ACSM3: variants seen among roughly 807,000 people sequenced by gnomAD.
The protein encoded by ACSM3 is acyl-coenzyme A synthetase ACSM3, mitochondrial.
Under a neutral mutation model 74.1 loss-of-function variants are expected in ACSM3, and 61 were observed. The observed-to-expected ratio is 0.82, with a 90% CI of 0.67 to 1.02. ACSM3 has a LOEUF of 1.02. Among genes scored for constraint, ACSM3 ranks in the 50% least tolerant of loss-of-function variants. The probability of loss-of-function intolerance (pLI) is 0.00; values close to 1 mark genes in which losing one functional copy is unlikely to be tolerated. For synonymous variants in ACSM3, 213 were observed against 241.5 expected (o/e 0.88, Z 1.09); for missense variants, 660 against 697.0 (o/e 0.95, Z 0.60).
chr16:20,761,739 C>T (rs1257548347), upstream of ACSM3, among the ~76,000 whole-genome samples: 1 of 152,162 alleles, frequency 6.6e-6, no homozygotes, highest in Admixed American at 6.5e-5. Flanking sequence ...ACACCTAAAG[C>T]TGGTGATCAG....
intron 1 of ACSM3, chr16:20,690,941 A>G (rs879591229): frequency 6.5e-7 from 1 of 1,547,564 alleles, no homozygotes; most frequent in Non-Finnish European, 8.7e-7. Context: ...TAGGAGCAAG[A>G]TAAGGAAAGT....
At chr16:20,779,441 AAAAGAAAAGAAAAG>A (rs936310406) in intron 4 of ACSM3, among the ~76,000 whole-genome samples, 1 of 149,376 alleles carries the variant, frequency 6.7e-6, no homozygotes, top group Non-Finnish European at 1.5e-5. Flanking sequence ...AAAAAAAAAG[AAAAGAAAAGAAAAG>A]AAAGAAAAGA....
chr16:20,715,318 T>A (rs1596483628), intron 1 of ACSM3, among the ~76,000 whole-genome samples: 1 of 152,318 alleles, frequency 6.6e-6, no homozygotes, highest in South Asian at 2.1e-4. Context: ...TAATCTTCAC[T>A]GTTCGACAGT....
intron 2 of ACSM3, 63 bp downstream of exon 2, chr16:20,770,316 A>G (rs752934856): frequency 3.0e-5 from 42 of 1,382,502 alleles, no homozygotes; most frequent in Non-Finnish European, 4.2e-5. Flanking sequence ...CCCCTAGGTA[A>G]CATCTCTAAT....
At chr16:20,711,639 A>G in intron 1 of ACSM3, 1 of 872,492 alleles carries the variant, frequency 1.1e-6, no homozygotes, top group South Asian at 1.4e-5. Flanking sequence ...TGGTGTCTCC[A>G]CAAAGCCGGA....
intron 12 of ACSM3, among the ~76,000 whole-genome samples, chr16:20,793,886 T>A (rs1204346994): frequency 6.6e-6 from 1 of 152,150 alleles, no homozygotes; most frequent in East Asian, 1.9e-4. Flanking sequence ...TAGCTGAGCC[T>A]TTCGGAACAG....
chr16:20,789,660 A>G, intron 9 of ACSM3: 2 of 719,104 alleles, frequency 2.8e-6, no homozygotes, highest in Non-Finnish European at 4.9e-6. Context: ...GCAAAACTGT[A>G]TATTATAAAG....
At chr16:20,712,982 TTTTA>T (rs1295070276) in intron 1 of ACSM3, among the ~76,000 whole-genome samples, 2 of 151,950 alleles carry the variant, frequency 1.3e-5, no homozygotes, top group African/African-American at 4.8e-5. Context: ...TGAATAACAG[TTTTA>T]TTTGTTAGAA....
chr16:20,775,013 G>A (rs1218841814), intron 2 of ACSM3, among the ~76,000 whole-genome samples: 1 of 152,158 alleles, frequency 6.6e-6, no homozygotes, highest in East Asian at 1.9e-4. Flanking sequence ...TTATGTCCTG[G>A]GGCAGCCTCT....
At chr16:20,779,927 G>A in intron 4 of ACSM3, 1 of 175,438 alleles carries the variant, frequency 5.7e-6, no homozygotes, top group Admixed American at 6.3e-5. Context: ...ACTGTGCCTG[G>A]CTAATTTTTG....
upstream of ACSM3, among the ~76,000 whole-genome samples, chr16:20,761,313 T>A (rs114819146): frequency 6.6e-3 from 1,011 of 152,324 alleles, 18 homozygotes; most frequent in African/African-American, 0.023. Context: ...CCCAATCACC[T>A]TGGGCACATG....
intron 1 of ACSM3, among the ~76,000 whole-genome samples, chr16:20,769,012 A>C: frequency 6.6e-6 from 1 of 152,336 alleles, no homozygotes; most frequent in East Asian, 1.9e-4. Flanking sequence ...GATGTCAGCT[A>C]AACTGTCCAT....
intron 1 of ACSM3, among the ~76,000 whole-genome samples, chr16:20,705,722 C>A (rs1233070314): frequency 2.0e-5 from 3 of 151,986 alleles, no homozygotes; most frequent in African/African-American, 7.3e-5. Context: ...GACACAGGAA[C>A]ACATACTCAT....
chr16:20,741,481 G>GGCCCCCCCCCCC lies in ACSM3; in HGVS notation c.-189-8429_-189-8428insGCCCCCCCCCCC. The GGCCCCCCCCCCC allele has an allele frequency of 8.4e-6, 11 of 1,308,406 alleles. 1 individual carries two copies. The highest frequency in any genetic ancestry group is 3.6e-5 in the South Asian group (2 of 56,248). 81.0% of individuals were successfully genotyped at this position (1,308,406 alleles called of 1,614,324 possible). A position where few individuals can be genotyped will look rare whatever the true frequency, so the allele number is the denominator to read the frequency against. ...CTCCTCCCGCAAGGCCTGGCAGCCG[G>GGCCCCCCCCCCC]CCCGCCCGCCCACCCCGGGACCGGT... On this transcript the variant is annotated intron_variant, in intron 1 of 3. Coordinates refer to the ACSM3 transcript ENST00000561584.
At position 20,720,064 on chromosome 16, in the gene ACSM3, C is replaced by T. The variant is rs200623280; in HGVS notation, c.-189-29846C>T. On this transcript the variant is annotated intron_variant, in intron 1 of 3. Coordinates refer to the ACSM3 transcript ENST00000561584. The stretch of plus-strand genomic sequence containing the variant: ...TAAAAGCTGTTCACCTGTTATTTTG[C>T]TAACTGGCCTGACACGGTGGTTTAA... Among the ~76,000 whole-genome samples the T allele has an allele frequency of 5.3e-5, 8 of 152,262 alleles. No homozygotes were observed. The East Asian group carries it at 1.4e-3, about 26-fold the overall frequency.
chr16:20,747,558 G>A (rs998193491), intron 1 of ACSM3, among the ~76,000 whole-genome samples: 1 of 152,100 alleles, frequency 6.6e-6, no homozygotes, highest in South Asian at 2.1e-4. Context: ...AAATCCTCCT[G>A]TCCCACCCAT....
chr16:20,692,008 G>T (rs534279704), intron 1 of ACSM3, among the ~76,000 whole-genome samples: 23 of 152,154 alleles, frequency 1.5e-4, no homozygotes, highest in Non-Finnish European at 3.2e-4. Flanking sequence ...TCCTCTGCAT[G>T]TCTGCCCCTG....
At chr16:20,775,789 T>A (rs777561524) in intron 2 of ACSM3, 50 bp from the exon 3 acceptor site, 2 of 1,584,360 alleles carry the variant, frequency 1.3e-6, no homozygotes, top group Admixed American at 3.3e-5. Context: ...TGGCCCAGAA[T>A]TTAGCTGTAT....
At chr16:20,756,876 A>G (rs1286271968) in intron 3 of ACSM3, among the ~76,000 whole-genome samples, 1 of 152,054 alleles carries the variant, frequency 6.6e-6, no homozygotes, top group African/African-American at 2.4e-5. Flanking sequence ...TCCCAGCACC[A>G]TTTATTAAAT....
Sources: gnomAD v4.1 joint callset for allele counts (sites outside exome capture counted in the v4.1 genomes callset) on GRCh38, gnomAD v4.1.1 for gene constraint, MANE v1.5 for transcripts, NCBI Gene and HGNC (gene_info 2026-07-23, HGNC 2026-07-21) for gene names.